Variants in A2ML1 observed in about 807,000 individuals in gnomAD.
The protein encoded by A2ML1 is alpha-2-macroglobulin like 1, also known as alpha-2-macroglobulin-like protein 1.
A2ML1 carries 161 observed loss-of-function variants against 181.9 expected under a neutral mutation model. The observed-to-expected ratio is 0.89, with a 90% confidence interval of 0.78 to 1.01. The LOEUF is 1.01. A2ML1 is among the 50% of genes least tolerant of loss of function. The pLI is 0.00. For synonymous variants in A2ML1, 663 were observed against 666.8 expected (o/e 0.99, Z 0.09); for missense variants, 1,670 against 1,768.1 (o/e 0.94, Z 1.00).
intron 7 of A2ML1, among the ~76,000 whole-genome samples, chr12:8,884,645 T>G (rs764524839): frequency 6.6e-6 from 1 of 152,382 alleles, no homozygotes; most frequent in East Asian, 1.9e-4. Flanking sequence ...CAAGTGATTC[T>G]CCTGTCTCAG....
chr12:8,841,421 T>C lies in A2ML1; in HGVS notation c.1133T>C (p.Leu378Pro). The C allele has an allele frequency of 4.3e-6, 7 of 1,614,172 alleles. No individual in the cohort carries two copies. The highest frequency in any genetic ancestry group is 5.9e-6 in the Non-Finnish European group (7 of 1,180,038). ...TTCCTCAAGAACCATCTAGTGTTTC[T>C]GGTGATTTATGGCACAAATGGAACC... ...DSFLKNHLVF[L>P]VIYGTNGTFN... The change falls in exon 11 of 36, where the codon CTG becomes CCG. Residue 378 changes from leucine (L) to proline (P), a missense_variant. Transcript: ENST00000299698.
chr12:8,874,916 C>G, intron 34 of A2ML1, 55 bp from the exon 35 acceptor site: 5 of 1,576,652 alleles, frequency 3.2e-6, no homozygotes, highest in Non-Finnish European at 4.4e-6. Flanking sequence ...GAAGCATTTT[C>G]CCTCTGAATA....
intron 29 of A2ML1, among the ~76,000 whole-genome samples, chr12:8,865,603 C>T (rs1033399719): frequency 2.0e-5 from 3 of 152,256 alleles, no homozygotes; most frequent in Admixed American, 6.5e-5. Context: ...ATTAATCAGC[C>T]ACTTGGTGTG....
intron 28 of A2ML1, among the ~76,000 whole-genome samples, chr12:8,862,975 T>TG (rs1944316023): frequency 6.6e-6 from 1 of 152,224 alleles, no homozygotes; most frequent in African/African-American, 2.4e-5. Flanking sequence ...CAGAGGTTTC[T>TG]TTTGGTCTCA....
chr12:8,828,379 C>T (rs1942998751), intron 3 of A2ML1, among the ~76,000 whole-genome samples: 1 of 152,132 alleles, frequency 6.6e-6, no homozygotes, highest in Admixed American at 6.5e-5. Flanking sequence ...CTGTGGCCAC[C>T]ACTACTCCAG....
chr12:8,870,570 T>C (rs1039408427), intron 33 of A2ML1, among the ~76,000 whole-genome samples: 2 of 152,064 alleles, frequency 1.3e-5, no homozygotes, highest in Non-Finnish European at 2.9e-5. Flanking sequence ...CCCAGCCGAG[T>C]TGTGTATAGT....
chr12:8,874,604 C>G, intron 34 of A2ML1, 77 bp downstream of exon 34: 1 of 1,131,332 alleles, frequency 8.8e-7, no homozygotes, highest in Non-Finnish European at 1.3e-6. Context: ...TTCTTCATGG[C>G]TTCTCTCTTA....
At chr12:8,864,235 G>A (rs1399330160) in intron 29 of A2ML1, among the ~76,000 whole-genome samples, 2 of 148,310 alleles carry the variant, frequency 1.3e-5, no homozygotes, top group Middle Eastern at 3.2e-3. Context: ...CATTGGGGCC[G>A]GGCATGGTGG....
chr12:8,845,100 G>T, intron 12 of A2ML1: 2 of 1,446,310 alleles, frequency 1.4e-6, no homozygotes, highest in Middle Eastern at 3.6e-4. Context: ...ATAGATTTTC[G>T]CTGACTTTCT....
Position 8,850,151 on chromosome 12 carries a change from T to C in A2ML1, c.2120-9T>C, listed in dbSNP as rs1414507226. 5 of 1,592,384 alleles carry C rather than the reference T, an allele frequency of 3.1e-6. No homozygotes were observed. In the African/African-American group the frequency reaches 6.8e-5, roughly 22 times the overall value. On this transcript the variant is annotated splice_polypyrimidine_tract_variant and intron_variant, in intron 17 of 35. Transcript: ENST00000299698. The stretch of plus-strand genomic sequence containing the variant: ...TTTCCTAAAGTTTTCGTATTCTCAA[T>C]TTCATCAGCAGGCGGTGGTCATCCA...
At chr12:8,840,676 G>A (rs1400121471) in intron 10 of A2ML1, among the ~76,000 whole-genome samples, 2 of 151,948 alleles carry the variant, frequency 1.3e-5, no homozygotes, top group African/African-American at 4.8e-5. Flanking sequence ...TTGGGAGGCT[G>A]AGGCGGGCGA....
chr12:8,856,898 C>CCT lies in A2ML1; in HGVS notation c.2849-266_2849-265insCT, dbSNP rs772894016. Among the ~76,000 whole-genome samples, 74 of 124,970 alleles carry CCT rather than the reference C, an allele frequency of 5.9e-4. No individual in the cohort carries two copies. In the South Asian group the frequency reaches 0.019, roughly 32 times the overall value. 82.0% of individuals were successfully genotyped at this position (124,970 alleles called of 152,430 possible). On this transcript the variant is annotated intron_variant, in intron 23 of 35. Transcript: ENST00000299698. ...GTCTTCCCAGGACACACAGTAGGTA[C>CCT]TTTTTTTTTTTTTTTTTTTGTATTT... is the stretch of plus-strand genomic sequence containing the variant.
rs1944742007 is a variant in A2ML1 at position 8,874,593 on chromosome 12, A to T, written c.4324+66A>T. 4 of 1,241,760 alleles carry T rather than the reference A, an allele frequency of 3.2e-6. No individual in the cohort carries two copies. The East Asian group carries it at 9.4e-5, about 29-fold the overall frequency. The allele number at this position is 1,241,760 out of a possible 1,614,324, so 76.9% of individuals were successfully genotyped here. A position where few individuals can be genotyped will look rare whatever the true frequency, so the allele number is the denominator to read the frequency against. On this transcript the variant is annotated intron_variant, in intron 34 of 35. Transcript: ENST00000299698. ...GCATCTCCCAACTTACTTCTGCCTC[A>T]TTCTTCATGGCTTCTCTCTTAATTT...
intron 10 of A2ML1, among the ~76,000 whole-genome samples, chr12:8,840,641 G>A (rs1427312241): frequency 6.6e-6 from 1 of 152,098 alleles, no homozygotes; most frequent in Non-Finnish European, 1.5e-5. Context: ...TGGGCACAAT[G>A]GCTCATGCCT....
intron 11 of A2ML1, among the ~76,000 whole-genome samples, chr12:8,842,269 G>C (rs957707916): frequency 2.6e-5 from 4 of 150,966 alleles, no homozygotes; most frequent in Non-Finnish European, 4.4e-5. Context: ...CCAGGCTGGA[G>C]TGCAGTGGCG....
At chr12:8,866,362 T>C (rs1452682044) in intron 29 of A2ML1, among the ~76,000 whole-genome samples, 1 of 143,486 alleles carries the variant, frequency 7.0e-6, no homozygotes, top group Non-Finnish European at 1.5e-5. Flanking sequence ...AATGACTTAA[T>C]TGAAACTTAA....
chr12:8,872,194 A>G (rs1412136649), intron 33 of A2ML1, among the ~76,000 whole-genome samples: 2 of 151,814 alleles, frequency 1.3e-5, no homozygotes, highest in Non-Finnish European at 2.9e-5. Context: ...AAAGAAAAAA[A>G]AAAAAAAACT....
At chr12:8,849,868 C>G in intron 17 of A2ML1, 109 bp downstream of exon 17, 1 of 1,015,600 alleles carries the variant, frequency 9.8e-7, no homozygotes, top group Non-Finnish European at 1.5e-6. Context: ...CCCGAGAATG[C>G]TAATGGGTTG....
intron 3 of A2ML1, among the ~76,000 whole-genome samples, chr12:8,828,421 T>C (rs1943000739): frequency 6.6e-6 from 1 of 152,064 alleles, no homozygotes; most frequent in South Asian, 2.1e-4. Flanking sequence ...ATACTTCCAG[T>C]ATTCTCTCGA....
Sources: allele counts gnomAD v4.1 joint callset (sites outside exome capture counted in the v4.1 genomes callset), GRCh38; gene constraint gnomAD v4.1.1; transcripts MANE v1.5; gene names NCBI Gene and HGNC (gene_info 2026-07-23, HGNC 2026-07-21).